Variants in DPP6 observed in about 807,000 individuals in gnomAD.
The protein encoded by DPP6 is dipeptidyl peptidase like 6.
A neutral mutation model predicts 122.6 loss-of-function variants in DPP6; 69 were observed. The ratio of observed to expected loss-of-function variants is 0.56; its 90% CI spans 0.46 to 0.69. DPP6 has a LOEUF of 0.69. DPP6 is among the 30% of genes least tolerant of loss of function. The probability of loss-of-function intolerance (pLI) is 0.00; values close to 1 mark genes in which losing one functional copy is unlikely to be tolerated. For missense variants in DPP6, 928 were observed against 1,116.9 expected, an observed-to-expected ratio of 0.83 and a Z score of 2.41; for synonymous variants, 418 against 433.1, an observed-to-expected ratio of 0.97 and a Z score of 0.43.
At chr7:154,709,316 A>T (rs73495863) in intron 7 of DPP6, among the ~76,000 whole-genome samples, 9,586 of 152,202 alleles carry the variant, frequency 0.063, 736 homozygotes, top group East Asian at 0.23. Context: ...AGTAGCTAGG[A>T]CTACAGGCGT....
At chr7:153,867,638 T>C in the DPP6 span, among the ~76,000 whole-genome samples, 4 of 152,204 alleles carry the variant, frequency 2.6e-5, no homozygotes, top group Non-Finnish European at 4.4e-5. Context: ...TGAATACCCT[T>C]TATTTCCTTC....
At chr7:153,864,672 TACAC>T in the DPP6 span, among the ~76,000 whole-genome samples, 13,307 of 135,048 alleles carry the variant, frequency 0.099, 775 homozygotes, top group African/African-American at 0.15. Context: ...ATAATAATAA[TACAC>T]ACACACACAC....
the DPP6 span, among the ~76,000 whole-genome samples, chr7:153,777,298 A>G: frequency 6.6e-6 from 1 of 152,014 alleles, no homozygotes. Context: ...GTGGTAATGC[A>G]AAATGTTTCA....
intron 1 of DPP6, among the ~76,000 whole-genome samples, chr7:154,247,197 C>G (rs1310589605): frequency 2.6e-5 from 4 of 152,104 alleles, no homozygotes; most frequent in Non-Finnish European, 4.4e-5. Flanking sequence ...CCTGTAGTTT[C>G]AGCTACATGG....
At chr7:154,648,078 C>A (rs187439825) in intron 6 of DPP6, among the ~76,000 whole-genome samples, 143 of 136,934 alleles carry the variant, frequency 1.0e-3, no homozygotes, top group African/African-American at 3.5e-3. Flanking sequence ...TGGTGAAACC[C>A]CGTCTCTATT....
chr7:154,799,900 A>T (rs1798252299), intron 12 of DPP6, among the ~76,000 whole-genome samples: 1 of 152,262 alleles, frequency 6.6e-6, no homozygotes, highest in Non-Finnish European at 1.5e-5. Context: ...AGAGACTCAG[A>T]GGCTTCACCT....
intron 16 of DPP6, 64 bp downstream of exon 16, chr7:154,807,176 G>C: frequency 6.3e-7 from 1 of 1,584,470 alleles, no homozygotes; most frequent in Non-Finnish European, 8.6e-7. Context: ...GGAGGGGGTG[G>C]GCACACTTGC....
At chr7:154,052,251 C>T (rs1800394658), upstream of DPP6, among the ~76,000 whole-genome samples, 1 of 152,024 alleles carries the variant, frequency 6.6e-6, no homozygotes, top group African/African-American at 2.4e-5. The surrounding 1 kb of genome is among the most constrained non-coding windows in gnomAD (Gnocchi z 4.8). Context: ...TTTGTGCGAC[C>T]CCGTGCCCTC....
At chr7:154,291,281 C>T (rs1008963903) in intron 1 of DPP6, among the ~76,000 whole-genome samples, 4 of 152,154 alleles carry the variant, frequency 2.6e-5, no homozygotes, top group Non-Finnish European at 5.9e-5. Context: ...GCATGAACCC[C>T]AAAATGCAGG....
intron 1 of DPP6, among the ~76,000 whole-genome samples, chr7:154,398,114 G>A (rs2151179772): frequency 6.6e-6 from 1 of 152,320 alleles, no homozygotes; most frequent in South Asian, 2.1e-4. Flanking sequence ...GCGTCAGGGT[G>A]TGAGGTTGAG....
chr7:154,182,171 T>C (rs1188059097), intron 1 of DPP6, among the ~76,000 whole-genome samples: 2 of 152,076 alleles, frequency 1.3e-5, no homozygotes, highest in African/African-American at 2.4e-5. Context: ...ACTTAGGAAA[T>C]TGCAAAATAC....
chr7:154,503,726 G>C (rs1187294598), intron 3 of DPP6, among the ~76,000 whole-genome samples: 4 of 152,018 alleles, frequency 2.6e-5, no homozygotes, highest in Non-Finnish European at 5.9e-5. Flanking sequence ...GATTTTTTGG[G>C]GTAAGGAAAC....
intron 1 of DPP6, among the ~76,000 whole-genome samples, chr7:154,139,040 GA>G (rs778166600): frequency 6.6e-6 from 1 of 151,992 alleles, no homozygotes; most frequent in Non-Finnish European, 1.5e-5. Flanking sequence ...GCCAGACTCA[GA>G]GGAGGTCCTC....
chr7:154,130,833 A>ACT (rs1169521639), intron 1 of DPP6, among the ~76,000 whole-genome samples: 4 of 152,108 alleles, frequency 2.6e-5, no homozygotes, highest in Non-Finnish European at 4.4e-5. Flanking sequence ...AAAAAAAATA[A>ACT]AGCAAGAGTA....
chr7:153,946,969 C>T (rs1801975975), intron 1 of DPP6, among the ~76,000 whole-genome samples: 1 of 152,076 alleles, frequency 6.6e-6, no homozygotes, highest in African/African-American at 2.4e-5. Flanking sequence ...CCCAAGGTGG[C>T]TAACGCTGCC....
At chr7:154,704,089 G>A (rs1840688469) in intron 7 of DPP6, among the ~76,000 whole-genome samples, 1 of 152,232 alleles carries the variant, frequency 6.6e-6, no homozygotes, top group Non-Finnish European at 1.5e-5. Context: ...ATTAGAGGAG[G>A]CCAAAATATC....
At chr7:154,814,518 G>A (rs375437848) in intron 16 of DPP6, among the ~76,000 whole-genome samples, 1 of 152,174 alleles carries the variant, frequency 6.6e-6, no homozygotes, top group Non-Finnish European at 1.5e-5. Flanking sequence ...CAGGACAGGG[G>A]AAGGCTGGGT....
At chr7:154,872,486 C>T in intron 18 of DPP6, 138 bp from the exon 19 acceptor site, 1 of 1,367,142 alleles carries the variant, frequency 7.3e-7, no homozygotes, top group Non-Finnish European at 9.7e-7. Context: ...GATGAAAACC[C>T]TGGGCCAGTC....
rs1017882241 is a variant in DPP6, at chr7:154,893,865, T to G, written c.*1385T>G. The G allele has an allele frequency of 6.6e-6, 1 of 152,224 alleles. No individual in the cohort carries two copies. Among genetic ancestry groups the G allele is most frequent in the Non-Finnish European group, 1.5e-5 (1 of 68,040 alleles). The allele number at this position is 152,224 out of a possible 1,614,324, so 9.4% of individuals were successfully genotyped here. ...TATATCCATTACTGTCATTTCCTTT[T>G]GAGCTTGTGGACAAGCTGAATGTCA... On this transcript the variant is annotated 3_prime_UTR_variant, in exon 26 of 26. Transcript: ENST00000377770.
Sources: allele counts gnomAD v4.1 joint callset (sites outside exome capture counted in the v4.1 genomes callset), GRCh38; gene constraint gnomAD v4.1.1; non-coding constraint Gnocchi (gnomAD v3.1); transcripts MANE v1.5; gene names NCBI Gene and HGNC (gene_info 2026-07-23, HGNC 2026-07-21).